Variants in NRG1 observed in about 807,000 individuals in gnomAD.
NRG1 encodes neuregulin 1.
NRG1 carries 18 observed loss-of-function variants against 63.8 expected under a neutral mutation model. That is an observed-to-expected ratio of 0.28 (90% CI 0.19 to 0.42). The LOEUF is 0.42. NRG1 is among the 10% of genes least tolerant of loss of function. NRG1 has a pLI of 1.00. For synonymous variants in NRG1, 302 were observed against 301.3 expected (o/e 1.00, Z -0.02); for missense variants, 762 against 814.7 (o/e 0.94, Z 0.79).
intron 1 of NRG1, among the ~76,000 whole-genome samples, chr8:32,361,221 A>G (rs1443958291): frequency 1.3e-5 from 2 of 152,132 alleles, no homozygotes; most frequent in East Asian, 3.9e-4. Flanking sequence ...TTGTAGAGAC[A>G]CACCCTGAAC....
At chr8:32,358,636 G>A (rs1240313514) in intron 1 of NRG1, among the ~76,000 whole-genome samples, 1 of 152,144 alleles carries the variant, frequency 6.6e-6, no homozygotes, top group East Asian at 1.9e-4. Context: ...AAATCTCATA[G>A]ATTCTCCATT....
intron 1 of NRG1, among the ~76,000 whole-genome samples, chr8:32,515,368 A>AT (rs549479425): frequency 1.3e-5 from 2 of 151,952 alleles, no homozygotes; most frequent in African/African-American, 4.8e-5. Flanking sequence ...GATGTTGAGA[A>AT]TTTTTTTCAT....
intron 1 of NRG1, among the ~76,000 whole-genome samples, chr8:32,034,083 G>A (rs1586626074): frequency 1.3e-5 from 2 of 152,088 alleles, no homozygotes; most frequent in African/African-American, 4.8e-5. Context: ...ATTGGCTGTA[G>A]GTTTGTTATA....
At chr8:32,646,755 T>C (rs1042916078) in intron 5 of NRG1, 27 of 985,266 alleles carry the variant, frequency 2.7e-5, no homozygotes, top group African/African-American at 3.5e-5. Flanking sequence ...CCTGCCTGCC[T>C]CTCTTTGATT....
At position 32,290,350 on chromosome 8, in the gene NRG1, T is replaced by C. The variant is rs991690834; in HGVS notation, c.38-305478T>C. Among the ~76,000 whole-genome samples, 4 of 152,008 alleles carry C rather than the reference T, an allele frequency of 2.6e-5. 1 individual carries two copies. The highest frequency in any genetic ancestry group is 9.7e-5 in the African/African-American group (4 of 41,394). ...ATAATTATGTATACAATTATATATA[T>C]ATACATATATATAGAGAGAGGGTGT... On this transcript the variant is annotated intron_variant, in intron 1 of 10. Transcript: ENST00000519301.
At chr8:32,427,490 G>T (rs1293636169) in intron 1 of NRG1, among the ~76,000 whole-genome samples, 1 of 152,170 alleles carries the variant, frequency 6.6e-6, no homozygotes. Context: ...CATAGCAGAG[G>T]AGCTGCGACT....
chr8:32,647,549 T>A (rs1853885819), intron 5 of NRG1: 3 of 985,340 alleles, frequency 3.0e-6, no homozygotes, highest in Non-Finnish European at 3.6e-6. Context: ...TGCTAGGAGC[T>A]TTTCTTCCCC....
At chr8:31,844,848 G>A (rs987587704) in intron 1 of NRG1, among the ~76,000 whole-genome samples, 1 of 150,878 alleles carries the variant, frequency 6.6e-6, no homozygotes, top group Non-Finnish European at 1.5e-5. Context: ...AGTGAGTTTT[G>A]AGGATCCTAG....
At chr8:32,534,809 A>C (rs1348654748) in intron 1 of NRG1, among the ~76,000 whole-genome samples, 1 of 152,096 alleles carries the variant, frequency 6.6e-6, no homozygotes, top group East Asian at 1.9e-4. Flanking sequence ...AATTGGGCTC[A>C]TTATATTATT....
intron 1 of NRG1, among the ~76,000 whole-genome samples, chr8:32,132,536 G>A (rs1479289228): frequency 1.3e-5 from 2 of 152,040 alleles, no homozygotes; most frequent in Non-Finnish European, 2.9e-5. Flanking sequence ...AAGGGGCGCT[G>A]TAACTTTAAA....
chr8:32,278,126 A>G (rs1277837184), intron 1 of NRG1, among the ~76,000 whole-genome samples: 1 of 152,216 alleles, frequency 6.6e-6, no homozygotes, highest in Non-Finnish European at 1.5e-5. Context: ...TGTTTCTCAG[A>G]GATCCTGGAT....
intron 1 of NRG1, among the ~76,000 whole-genome samples, chr8:31,779,496 G>T (rs1162362049): frequency 1.3e-5 from 2 of 152,060 alleles, no homozygotes; most frequent in African/African-American, 2.4e-5. Flanking sequence ...GGCATTTTGT[G>T]CTATGTTGTG....
At chr8:32,122,168 A>C (rs368552590) in intron 1 of NRG1, among the ~76,000 whole-genome samples, 1 of 152,002 alleles carries the variant, frequency 6.6e-6, no homozygotes, top group East Asian at 1.9e-4. Context: ...GCTTTTCTTA[A>C]TTTCACAAAA....
chr8:32,612,062 G>C (rs1443372609), intron 3 of NRG1, among the ~76,000 whole-genome samples: 2 of 151,984 alleles, frequency 1.3e-5, no homozygotes, highest in Non-Finnish European at 2.9e-5. Context: ...AGCATAAGTT[G>C]CTCAGCTGTG....
chr8:32,760,164 C>A (rs370653878), intron 10 of NRG1, 36 bp from the exon 11 acceptor site: 19 of 1,609,022 alleles, frequency 1.2e-5, no homozygotes, highest in Middle Eastern at 1.7e-4. Flanking sequence ...AATTTTTGCA[C>A]GAAATATCTG....
At chr8:32,626,533 A>T (rs1337539350) in intron 5 of NRG1, among the ~76,000 whole-genome samples, 3 of 152,068 alleles carry the variant, frequency 2.0e-5, no homozygotes, top group Non-Finnish European at 4.4e-5. Flanking sequence ...ACAAAAAATT[A>T]GCTGGGCATG....
At chr8:32,718,921 C>A (rs1819941333) in intron 5 of NRG1, among the ~76,000 whole-genome samples, 1 of 152,140 alleles carries the variant, frequency 6.6e-6, no homozygotes, top group Non-Finnish European at 1.5e-5. Context: ...ATGGTTACTA[C>A]TGGTATCCAA....
intron 1 of NRG1, among the ~76,000 whole-genome samples, chr8:31,729,992 G>A (rs528859754): frequency 6.6e-6 from 1 of 152,136 alleles, no homozygotes; most frequent in African/African-American, 2.4e-5. Context: ...CGGAGTATAG[G>A]GTAATCAAGA....
intron 1 of NRG1, among the ~76,000 whole-genome samples, chr8:31,642,844 A>G (rs924919249): frequency 7.9e-5 from 12 of 152,352 alleles, no homozygotes; most frequent in Admixed American, 2.6e-4. Flanking sequence ...TCTAACTGAA[A>G]TCATGCTAAA....
Sources: allele counts gnomAD v4.1 joint callset (sites outside exome capture counted in the v4.1 genomes callset), GRCh38; gene constraint gnomAD v4.1.1; transcripts MANE v1.5; gene names NCBI Gene and HGNC (gene_info 2026-07-23, HGNC 2026-07-21).